Variants in HOOK3 observed in about 807,000 individuals in gnomAD.
The protein encoded by HOOK3 is hook microtubule tethering protein 3, also known as protein Hook homolog 3.
Under a neutral mutation model 116.3 loss-of-function variants are expected in HOOK3, and 24 were observed. The observed-to-expected ratio is 0.21, with a 90% CI of 0.15 to 0.29. The LOEUF (loss-of-function observed/expected upper bound fraction) is 0.29, where lower values mean the gene tolerates loss of function less well. HOOK3 is among the 10% of genes least tolerant of loss of function. HOOK3 has a pLI of 1.00. For synonymous variants in HOOK3, 275 were observed against 283.0 expected (o/e 0.97, Z 0.28); for missense variants, 632 against 830.2 (o/e 0.76, Z 2.93).
chr8:42,966,430 G>A lies in HOOK3; in HGVS notation c.780-43G>A. 2.5e-6 allele frequency: 4 copies of A among 1,598,580 alleles called. 1 individual carries two copies. The highest frequency in any genetic ancestry group is 3.4e-6 in the Non-Finnish European group (4 of 1,167,892). On this transcript the variant is annotated intron_variant, in intron 9 of 21. Coordinates refer to ENST00000307602, the MANE Select transcript of HOOK3 (RefSeq NM_032410.4). ...TTACTGTTCTAAGGAGAATGAGGAG[G>A]CAGTAAATAGTGCTTTCTTGGTCTA...
At position 43,022,085 on chromosome 8, in the gene HOOK3, TAAAA is replaced by T. The variant is rs35656895; in HGVS notation, c.*3604_*3607del. The T allele has an allele frequency of 1.7e-4, 24 of 145,272 alleles. No individual in the cohort carries two copies. The highest frequency in any genetic ancestry group is 3.2e-4 in the East Asian group (3 of 9,508). 9.0% of individuals were successfully genotyped at this position (145,272 alleles called of 1,614,324 possible). A position where few individuals can be genotyped will look rare whatever the true frequency, so the allele number is the denominator to read the frequency against. On this transcript the variant is annotated 3_prime_UTR_variant, in exon 22 of 22. Transcript: ENST00000307602. ...TGTTTAAAAACAAAACAGGCTGTTG[TAAAA>T]AAAAAAAAAAAAAAAACTTCTGAAT...
intron 2 of HOOK3, among the ~76,000 whole-genome samples, chr8:42,924,601 A>G (rs777097702): frequency 2.3e-4 from 35 of 152,160 alleles, no homozygotes; most frequent in Non-Finnish European, 2.9e-4. Context: ...TGACCTTTGA[A>G]GTATTAGGTG....
intron 4 of HOOK3, among the ~76,000 whole-genome samples, chr8:42,932,699 T>C (rs1162333450): frequency 1.3e-5 from 2 of 152,158 alleles, no homozygotes; most frequent in East Asian, 3.8e-4. Context: ...AATGGTGTGG[T>C]GTCTTTGGAA....
chr8:42,998,702 A>G (rs1042059002), intron 16 of HOOK3, among the ~76,000 whole-genome samples: 1 of 152,032 alleles, frequency 6.6e-6, no homozygotes, highest in Non-Finnish European at 1.5e-5. Flanking sequence ...TCATTCTAAC[A>G]TGGGTGATGT....
intron 9 of HOOK3, among the ~76,000 whole-genome samples, chr8:42,965,535 A>G (rs1414849842): frequency 2.6e-5 from 4 of 152,172 alleles, no homozygotes; most frequent in Non-Finnish European, 5.9e-5. Flanking sequence ...GCAAGATAAG[A>G]CGGAAGCACA....
Position 42,964,389 on chromosome 8 carries a change from T to A in HOOK3, c.694T>A (p.Ser232Thr). 1 of 1,614,096 alleles carries A rather than the reference T, an allele frequency of 6.2e-7. No homozygotes were observed. The highest frequency in any genetic ancestry group is 8.5e-7 in the Non-Finnish European group (1 of 1,179,986). ...AATGGAAAGACTCAATCAATCTGAT[T>A]CTATAGAAGACCCTAACAGTCCAGC... ...VLMERLNQSD[S>T]IEDPNSPAGR... Residue 232 changes from serine (S) to threonine (T), a missense_variant, in exon 9 of 22, where the codon TCT becomes ACT. Coordinates refer to ENST00000307602, the MANE Select transcript of HOOK3 (RefSeq NM_032410.4).
intron 15 of HOOK3, among the ~76,000 whole-genome samples, chr8:42,987,530 C>A (rs1236034009): frequency 6.6e-6 from 1 of 152,162 alleles, no homozygotes. Flanking sequence ...CAGTAGCTCC[C>A]TCGTAATTGG....
intron 2 of HOOK3, among the ~76,000 whole-genome samples, chr8:42,924,183 A>C (rs1451458972): frequency 6.6e-6 from 1 of 151,978 alleles, no homozygotes; most frequent in African/African-American, 2.4e-5. Flanking sequence ...TTTTGGACTT[A>C]GCAATTGCTC....
Position 43,025,592 on chromosome 8 carries a change from T to G in HOOK3, c.*7094T>G, listed in dbSNP as rs1346619271. On this transcript the variant is annotated 3_prime_UTR_variant, in exon 22 of 22. Coordinates refer to ENST00000307602, the MANE Select transcript of HOOK3 (RefSeq NM_032410.4). ...CATTGAGTATTAACTAGGTGCATAA[T>G]GTAGTTGTATATGTTTACTAGTAAA... 4.7e-6 allele frequency: 1 copy of G among 210,798 alleles called. No homozygotes were observed. Among genetic ancestry groups the G allele is most frequent in the Admixed American group, 5.9e-5 (1 of 17,022 alleles). 13.1% of individuals were successfully genotyped at this position (210,798 alleles called of 1,614,324 possible).
At chr8:43,007,016 A>ATTTTTTTTTTTTTTTTT (rs58609523) in intron 17 of HOOK3, among the ~76,000 whole-genome samples, 8 of 103,278 alleles carry the variant, frequency 7.7e-5, no homozygotes, top group Non-Finnish European at 9.4e-5. Flanking sequence ...AAGTTCCTAG[A>ATTTTTTTTTTTTTTTTT]TTTTTTTTTT....
Position 42,906,152 on chromosome 8 carries a change from C to G in HOOK3, c.58-21C>G, listed in dbSNP as rs373940518. The G allele has an allele frequency of 4.7e-4, 514 of 1,101,918 alleles. 38 individuals carry two copies. The highest frequency in any genetic ancestry group is 6.2e-4 in the East Asian group (21 of 33,990). 68.3% of individuals were successfully genotyped at this position (1,101,918 alleles called of 1,614,324 possible). ...AGGTAACCACAGAATCTCTCCCCCC[C>G]CCCTCTTTTTTTCCCTTCAGATCCA... On this transcript the variant is annotated intron_variant, in intron 1 of 21. Coordinates refer to ENST00000307602, the MANE Select transcript of HOOK3 (RefSeq NM_032410.4).
intron 4 of HOOK3, among the ~76,000 whole-genome samples, chr8:42,937,092 A>T (rs1291241105): frequency 6.6e-6 from 1 of 151,850 alleles, no homozygotes; most frequent in Non-Finnish European, 1.5e-5. Context: ...CAGGGATTTG[A>T]CTTCTTTCCT....
chr8:42,977,293 G>C (rs1003392690), intron 13 of HOOK3, among the ~76,000 whole-genome samples: 1 of 152,056 alleles, frequency 6.6e-6, no homozygotes, highest in African/African-American at 2.4e-5. Flanking sequence ...TTCTAAAATG[G>C]GAACCATGCT....
intron 21 of HOOK3, 151 bp downstream of exon 21, chr8:43,013,551 G>A: frequency 1.7e-6 from 1 of 590,804 alleles, no homozygotes; most frequent in Non-Finnish European, 2.7e-6. Context: ...TGTTATTTCT[G>A]AACTGAAAAG....
intron 6 of HOOK3, among the ~76,000 whole-genome samples, chr8:42,952,237 A>G (rs1235433059): frequency 6.6e-6 from 1 of 152,248 alleles, no homozygotes; most frequent in Non-Finnish European, 1.5e-5. Flanking sequence ...GAAGTCAGGA[A>G]TGATAACAGC....
intron 2 of HOOK3, among the ~76,000 whole-genome samples, chr8:42,920,255 G>T (rs555633205): frequency 6.6e-6 from 1 of 152,092 alleles, no homozygotes; most frequent in African/African-American, 2.4e-5. Flanking sequence ...TTTTGAGAAA[G>T]TTACCTTTAT....
rs1205632681 is a variant in HOOK3 at position 42,929,036 on chromosome 8, ACT to A, written c.217-1083_217-1082del. On this transcript the variant is annotated intron_variant, in intron 3 of 21. Coordinates refer to ENST00000307602, the MANE Select transcript of HOOK3 (RefSeq NM_032410.4). Reference sequence around the variant, plus strand: ...CAGCCTGCCTGGGCAACAGAGGGAGACTCTGTCTCAAAAAAATAAATACATAA... The same window carrying A: ...CAGCCTGCCTGGGCAACAGAGGGAGACTGTCTCAAAAAAATAAATACATAA... 3.3e-5 allele frequency among the ~76,000 whole-genome samples: 5 copies of A among 152,064 alleles called. No individual in the cohort carries two copies. In the East Asian group the frequency reaches 7.7e-4, roughly 23 times the overall value.
intron 13 of HOOK3, among the ~76,000 whole-genome samples, chr8:42,980,594 A>G (rs1808920182): frequency 6.6e-6 from 1 of 152,050 alleles, no homozygotes; most frequent in Admixed American, 6.6e-5. Context: ...TGGTGGCTTT[A>G]TAAGAAAAAG....
chr8:42,989,612 A>T (rs781178841), intron 15 of HOOK3, among the ~76,000 whole-genome samples: 4 of 152,166 alleles, frequency 2.6e-5, no homozygotes, highest in African/African-American at 9.7e-5. Flanking sequence ...GAACAATCCC[A>T]TTATACTCTT....
Sources: allele counts gnomAD v4.1 joint callset (sites outside exome capture counted in the v4.1 genomes callset), GRCh38; gene constraint gnomAD v4.1.1; transcripts MANE v1.5; gene names NCBI Gene and HGNC (gene_info 2026-07-23, HGNC 2026-07-21).